Variants in EPM2A observed in about 807,000 individuals in gnomAD.
EPM2A encodes the protein EPM2A glucan phosphatase, laforin, also known as laforin.
Under a neutral mutation model 26.5 loss-of-function variants are expected in EPM2A, and 21 were observed. The ratio of observed to expected loss-of-function variants is 0.79; its 90% CI spans 0.56 to 1.14. The LOEUF (loss-of-function observed/expected upper bound fraction) is 1.14. Among genes scored for constraint, EPM2A ranks in the 50% most tolerant of loss-of-function variants. The probability of loss-of-function intolerance (pLI) is 0.00; values close to 1 mark genes in which losing one functional copy is unlikely to be tolerated. For synonymous variants in EPM2A, 217 were observed against 177.6 expected, an observed-to-expected ratio of 1.22 and a Z score of -1.76; for missense variants, 458 against 440.8, an observed-to-expected ratio of 1.04 and a Z score of -0.35.
chr6:145,663,301 T>G (rs1183020748), intron 2 of EPM2A, among the ~76,000 whole-genome samples: 2 of 152,176 alleles, frequency 1.3e-5, no homozygotes, highest in Non-Finnish European at 2.9e-5. Flanking sequence ...GCTCCCAGCG[T>G]GAGCGACGCA....
At chr6:145,564,503 C>G (rs572756076) in intron 2 of EPM2A, among the ~76,000 whole-genome samples, 3 of 152,314 alleles carry the variant, frequency 2.0e-5, no homozygotes, top group South Asian at 4.1e-4. Flanking sequence ...CTGGCTATAG[C>G]TAGGCATTTG....
chr6:145,696,809 G>GTGTT (rs1364141101), intron 1 of EPM2A, among the ~76,000 whole-genome samples: 22 of 150,774 alleles, frequency 1.5e-4, no homozygotes, highest in African/African-American at 4.9e-4. Flanking sequence ...GTGTGTGTGT[G>GTGTT]TGTGTGTGTG....
intron 1 of EPM2A, among the ~76,000 whole-genome samples, chr6:145,717,645 G>C (rs933950730): frequency 6.6e-6 from 1 of 151,958 alleles, no homozygotes; most frequent in African/African-American, 2.4e-5. Flanking sequence ...AAGAAATAAA[G>C]GGTATTCAAT....
chr6:145,598,060 A>C (rs1265432476), intron 2 of EPM2A, among the ~76,000 whole-genome samples: 1 of 152,142 alleles, frequency 6.6e-6, no homozygotes, highest in African/African-American at 2.4e-5. Context: ...TTTATGGTAG[A>C]ATGATTTGTA....
chr6:145,697,582 G>T (rs536223586), intron 1 of EPM2A, among the ~76,000 whole-genome samples: 3 of 151,994 alleles, frequency 2.0e-5, no homozygotes, highest in East Asian at 3.9e-4. Flanking sequence ...TCATCCCTAC[G>T]GCTCGACCAT....
chr6:145,435,409 T>TTATA (rs3063952), intron 4 of EPM2A, among the ~76,000 whole-genome samples: 3,325 of 126,496 alleles, frequency 0.026, 115 homozygotes, highest in African/African-American at 0.092. Context: ...AGTGAAGAAT[T>TTATA]TATATATATA....
Position 145,385,628 on chromosome 6 carries a change from C to A in EPM2A, c.556-1531G>T, listed in dbSNP as rs142153551. Among the ~76,000 whole-genome samples the A allele has an allele frequency of 1.8e-3, 277 of 152,024 alleles. 2 individuals are homozygous for A. Among genetic ancestry groups the A allele is most frequent in the African/African-American group, 6.4e-3 (265 of 41,518 alleles). ...TATATTTTTAAACTTTTTTTCCAGG[C>A]AAAAATTGGACATAATTTAAAAATA... On this transcript the variant is annotated intron_variant, in intron 4 of 4. Coordinates refer to the EPM2A transcript ENST00000638717.
intron 2 of EPM2A, among the ~76,000 whole-genome samples, chr6:145,572,288 G>T (rs140351411): frequency 5.8e-4 from 88 of 152,310 alleles, no homozygotes; most frequent in African/African-American, 1.9e-3. Flanking sequence ...TCTGTCAAAT[G>T]ATCATAAGGA....
rs920794580 is a variant in EPM2A at position 145,564,779 on chromosome 6, G to A, written c.341-62204C>T. 1.7e-4 allele frequency among the ~76,000 whole-genome samples: 26 copies of A among 151,616 alleles called. 1 individual carries two copies. The highest frequency in any genetic ancestry group is 1.5e-3 in the Admixed American group (23 of 15,228). On this transcript the variant is annotated intron_variant, in intron 2 of 3. Transcript: ENST00000450221. ...AGATCTTGTGGGTATATGGTGGGGG[G>A]GGGCAGGGGGTGTGGAGGGAGCTGG...
At chr6:145,445,935 C>T (rs1276501920) in intron 4 of EPM2A, among the ~76,000 whole-genome samples, 1 of 152,102 alleles carries the variant, frequency 6.6e-6, no homozygotes, top group Non-Finnish European at 1.5e-5. Context: ...TATTGGTGGT[C>T]TTACACCTTC....
intron 4 of EPM2A, among the ~76,000 whole-genome samples, chr6:145,397,088 A>C (rs1264879132): frequency 6.6e-6 from 1 of 152,144 alleles, no homozygotes; most frequent in Non-Finnish European, 1.5e-5. Flanking sequence ...TGCTGGTATT[A>C]CTGATTTTGC....
intron 2 of EPM2A, among the ~76,000 whole-genome samples, chr6:145,570,157 T>C (rs1038445338): frequency 2.0e-5 from 3 of 152,094 alleles, no homozygotes; most frequent in Admixed American, 1.3e-4. Context: ...CTGACTCAAA[T>C]GTTAATCTCC....
chr6:145,686,276 G>A lies in EPM2A; in HGVS notation c.322C>T (p.Arg108Cys), dbSNP rs137852915. The A allele has an allele frequency of 2.3e-5, 37 of 1,613,626 alleles. No individual in the cohort carries two copies. The highest frequency in any genetic ancestry group is 3.0e-5 in the Non-Finnish European group (35 of 1,179,790). ...SWEGNGPHHDRCCTYNENNLV... is the reference protein window; with the variant it reads ...SWEGNGPHHDCCCTYNENNLV... ...TTGTTTTCATTGTAAGTACAGCAAC[G>A]GTCATGATGAGGTCCATTGCCTAGA... Residue 108 changes from arginine to cysteine, a missense_variant, in exon 2 of 4, where the codon CGT becomes TGT. By Grantham distance (180) the Arg-to-Cys change is radical (BLOSUM62 -3). Transcript: ENST00000367519.
At chr6:145,601,219 T>C (rs996578554) in intron 2 of EPM2A, among the ~76,000 whole-genome samples, 1 of 152,240 alleles carries the variant, frequency 6.6e-6, no homozygotes, top group Non-Finnish European at 1.5e-5. Flanking sequence ...ATATAAGGTA[T>C]AACCTTTTTA....
At chr6:145,461,111 C>T (rs1343453688) in intron 4 of EPM2A, among the ~76,000 whole-genome samples, 1 of 152,120 alleles carries the variant, frequency 6.6e-6, no homozygotes, top group African/African-American at 2.4e-5. Flanking sequence ...CAACCTTTAT[C>T]AACTATGATC....
intron 4 of EPM2A, among the ~76,000 whole-genome samples, chr6:145,437,082 G>C (rs1489773735): frequency 6.6e-6 from 1 of 152,096 alleles, no homozygotes; most frequent in Non-Finnish European, 1.5e-5. Flanking sequence ...ATGTGGAATT[G>C]TCATCTCCAC....
intron 2 of EPM2A, among the ~76,000 whole-genome samples, chr6:145,530,829 G>C (rs1233398395): frequency 6.6e-6 from 1 of 152,118 alleles, no homozygotes; most frequent in Non-Finnish European, 1.5e-5. Context: ...TTCTAGAAGG[G>C]GTTGGCAAGG....
downstream of EPM2A, among the ~76,000 whole-genome samples, chr6:145,622,146 T>C (rs1382997023): frequency 6.6e-6 from 1 of 152,204 alleles, no homozygotes; most frequent in Non-Finnish European, 1.5e-5. Flanking sequence ...TTTTATATTA[T>C]TAAAATATGT....
intron 2 of EPM2A, among the ~76,000 whole-genome samples, chr6:145,616,496 A>G (rs1291155494): frequency 6.6e-6 from 1 of 152,210 alleles, no homozygotes; most frequent in Non-Finnish European, 1.5e-5. Flanking sequence ...CAGAGTCCCT[A>G]CTGGGGCACT....
Sources: gnomAD v4.1 joint callset for allele counts (sites outside exome capture counted in the v4.1 genomes callset) on GRCh38, gnomAD v4.1.1 for gene constraint, MANE v1.5 for transcripts, NCBI Gene and HGNC (gene_info 2026-07-23, HGNC 2026-07-21) for gene names.